The following ZC2HC1B variants were observed in gnomAD, a reference collection of about 807,000 sequenced individuals.
ZC2HC1B encodes the protein zinc finger C2HC-type containing 1B, also known as zinc finger C2HC domain-containing protein 1B.
A neutral mutation model predicts 31.0 loss-of-function variants in ZC2HC1B; 36 were observed. The ratio of observed to expected loss-of-function variants is 1.16; its 90% confidence interval spans 0.89 to 1.54. The LOEUF is 1.54. ZC2HC1B is among the 40% of genes most tolerant of loss of function. The pLI is 0.00. For missense variants in ZC2HC1B, 260 were observed against 268.6 expected (o/e 0.97, Z 0.22); for synonymous variants, 73 against 88.0 (o/e 0.83, Z 0.95).
At chr6:143,901,226 ATTTC>A (rs960045902) in intron 5 of ZC2HC1B, among the ~76,000 whole-genome samples, 24 of 129,528 alleles carry the variant, frequency 1.9e-4, no homozygotes, top group East Asian at 4.5e-4. Context: ...CAGGGTTTGA[ATTTC>A]TTTCTTTCTT....
chr6:143,874,544 A>G (rs1284382581), intron 1 of ZC2HC1B, among the ~76,000 whole-genome samples: 2 of 152,234 alleles, frequency 1.3e-5, no homozygotes. Context: ...ACAGTACCAC[A>G]TGGCTGGGGA....
In ZC2HC1B at chr6:143,915,091, A is replaced by G. The variant is rs1258154933; in HGVS notation, c.598+11939A>G. 3.9e-5 allele frequency among the ~76,000 whole-genome samples: 6 copies of G among 152,076 alleles called. No individual in the cohort carries two copies. Among genetic ancestry groups the G allele is most frequent in the African/African-American group, 1.2e-4 (5 of 41,386 alleles). The stretch of plus-strand genomic sequence containing the variant: ...CGTTTCCTGCATCACTGTTGATATG[A>G]TTTGGCTGTGTCCTCACCCAAATTT... On this transcript the variant is annotated intron_variant, in intron 6 of 7. Transcript: ENST00000237275. This position sits in a 1 kb window ranked among gnomAD's most constrained non-coding sequence, Gnocchi z 5.2.
rs565435667 is a variant in ZC2HC1B at position 143,922,637 on chromosome 6, A to G, written c.599-15012A>G. On this transcript the variant is annotated intron_variant, in intron 6 of 7. Coordinates refer to ENST00000237275, the MANE Select transcript of ZC2HC1B (RefSeq NM_001013623.3). The surrounding 1 kb of genome is among the most constrained non-coding windows in gnomAD (Gnocchi z 5.0). The stretch of plus-strand genomic sequence containing the variant: ...AATAATGACCTCTAGTTCCATACAC[A>G]TTGCTGCAAATGACAGGATATCATT... Among the ~76,000 whole-genome samples the G allele has an allele frequency of 1.3e-5, 2 of 152,316 alleles. No individual in the cohort carries two copies. Among genetic ancestry groups the G allele is most frequent in the East Asian group, 1.9e-4 (1 of 5,186 alleles).
chr6:143,881,111 T>C (rs190887622), intron 1 of ZC2HC1B, among the ~76,000 whole-genome samples: 3 of 152,228 alleles, frequency 2.0e-5, no homozygotes, highest in Admixed American at 6.5e-5. Context: ...TTTATCCTTT[T>C]ACAGTCTCTA....
At chr6:143,867,307 A>G (rs957954655) in intron 1 of ZC2HC1B, among the ~76,000 whole-genome samples, 4 of 152,220 alleles carry the variant, frequency 2.6e-5, no homozygotes, top group African/African-American at 9.6e-5. Context: ...AACAACTGAA[A>G]TAAACAAACT....
Position 143,915,481 on chromosome 6 carries a change from A to G in ZC2HC1B, c.598+12329A>G, listed in dbSNP as rs1777906559. 6.6e-6 allele frequency among the ~76,000 whole-genome samples: 1 copy of G among 152,206 alleles called. No individual in the cohort carries two copies. Among genetic ancestry groups the G allele is most frequent in the Non-Finnish European group, 1.5e-5 (1 of 68,032 alleles). ...GCTGAAAAGATATCTGAAAATGTGG[A>G]AGTGACTTTGGAACAGGGTAACAGG... On this transcript the variant is annotated intron_variant, in intron 6 of 7. Transcript: ENST00000237275. This position sits in a 1 kb window ranked among gnomAD's most constrained non-coding sequence, Gnocchi z 5.2.
rs1427013367 is a variant in ZC2HC1B, at chr6:143,885,462, T to C, written c.91-570T>C. Among the ~76,000 whole-genome samples the C allele has an allele frequency of 2.0e-5, 3 of 152,222 alleles. No individual in the cohort carries two copies. Among genetic ancestry groups the C allele is most frequent in the Non-Finnish European group, 4.4e-5 (3 of 68,040 alleles). On this transcript the variant is annotated intron_variant, in intron 2 of 7. Transcript: ENST00000237275. The surrounding 1 kb of genome is among the most constrained non-coding windows in gnomAD (Gnocchi z 4.2). ...GCCTATTTCTAGGCTATGGAGGGCA[T>C]TGATCAAATGATTTGATCTTTCTCT...
At position 143,892,472 on chromosome 6, in the gene ZC2HC1B, A is replaced by G. The variant is rs182663336; in HGVS notation, c.349+5651A>G. ...CACTGTGCCTGGCTAATTTTTTTGT[A>G]TTTTTGGTAGAGGTGGGGTTTCTCC... On this transcript the variant is annotated intron_variant, in intron 4 of 7. Transcript: ENST00000237275. Among the ~76,000 whole-genome samples the G allele has an allele frequency of 8.6e-4, 130 of 151,910 alleles. 1 individual carries two copies. The South Asian group carries it at 0.014, about 17-fold the overall frequency.
intron 5 of ZC2HC1B, among the ~76,000 whole-genome samples, chr6:143,902,034 A>G (rs1377704762): frequency 6.6e-6 from 1 of 152,196 alleles, no homozygotes; most frequent in African/African-American, 2.4e-5. Flanking sequence ...GCTGGCTGTC[A>G]GTGTAACCAG....
intron 1 of ZC2HC1B, among the ~76,000 whole-genome samples, chr6:143,866,137 G>A (rs1348626188): frequency 1.3e-5 from 2 of 152,162 alleles, no homozygotes; most frequent in African/African-American, 4.8e-5. Context: ...TTTAAGCACT[G>A]CCCGTGAATG....
At position 143,869,007 on chromosome 6, in the gene ZC2HC1B, G is replaced by T. The variant is rs1777304826; in HGVS notation, c.28+4440G>T. 6.6e-6 allele frequency among the ~76,000 whole-genome samples: 1 copy of T among 152,192 alleles called. No individual in the cohort carries two copies. The highest frequency in any genetic ancestry group is 2.4e-5 in the African/African-American group (1 of 41,436). ...ATTACAGTCCTCATTTCTGCAGCTG[G>T]TCACGTGGTCATAGCTGGTATTGAT... is the stretch of plus-strand genomic sequence containing the variant. On this transcript the variant is annotated intron_variant, in intron 1 of 7. Transcript: ENST00000237275. The surrounding 1 kb of genome is among the most constrained non-coding windows in gnomAD (Gnocchi z 5.2).
chr6:143,901,411 C>T (rs1777737352), intron 5 of ZC2HC1B, among the ~76,000 whole-genome samples: 1 of 151,428 alleles, frequency 6.6e-6, no homozygotes, highest in African/African-American at 2.4e-5. Flanking sequence ...AGGCTCCCAC[C>T]ACCATGCCTG....
intron 6 of ZC2HC1B, among the ~76,000 whole-genome samples, chr6:143,932,618 G>C (rs2128497942): frequency 6.6e-6 from 1 of 152,226 alleles, no homozygotes; most frequent in East Asian, 1.9e-4. Flanking sequence ...GTATCTCCTT[G>C]AGTAGCTTAA....
In ZC2HC1B at chr6:143,925,316, T is replaced by C. The variant is rs545783632; in HGVS notation, c.599-12333T>C. On this transcript the variant is annotated intron_variant, in intron 6 of 7. Transcript: ENST00000237275. ...TCAGCCTCCCGAGCAGCTGGGAGTA[T>C]AGGCACCCGCCACCATGCCTGGCTA... Among the ~76,000 whole-genome samples the C allele has an allele frequency of 3.5e-4, 53 of 150,940 alleles. 1 individual carries two copies. In the East Asian group the frequency reaches 9.6e-3, roughly 27 times the overall value.
At chr6:143,882,332 T>TATATATA (rs1554237224) in intron 1 of ZC2HC1B, among the ~76,000 whole-genome samples, 32 of 67,378 alleles carry the variant, frequency 4.7e-4, no homozygotes, top group Admixed American at 6.1e-4. Flanking sequence ...ATTTTATATT[T>TATATATA]TTTATATATA....
intron 6 of ZC2HC1B, among the ~76,000 whole-genome samples, chr6:143,926,250 G>A (rs9496818): frequency 0.01 from 1,533 of 152,132 alleles, 32 homozygotes; most frequent in African/African-American, 0.035. Context: ...CTTGATATAC[G>A]CATTTATTGC....
At chr6:143,890,574 C>A (rs545908792) in intron 4 of ZC2HC1B, among the ~76,000 whole-genome samples, 2 of 152,166 alleles carry the variant, frequency 1.3e-5, no homozygotes, top group South Asian at 4.1e-4. Context: ...CTATTCAACA[C>A]TGTACTATTG....
rs146868867 is a variant in ZC2HC1B at position 143,915,454 on chromosome 6, C to T, written c.598+12302C>T. On this transcript the variant is annotated intron_variant, in intron 6 of 7. Transcript: ENST00000237275. This position sits in a 1 kb window ranked among gnomAD's most constrained non-coding sequence, Gnocchi z 5.2. The stretch of plus-strand genomic sequence containing the variant: ...AAATTGGTACCAGTAGAGTGGGGCG[C>T]TGCTGAAAAGATATCTGAAAATGTG... Among the ~76,000 whole-genome samples, 78 of 152,234 alleles carry T rather than the reference C, an allele frequency of 5.1e-4. No individual in the cohort carries two copies. The highest frequency in any genetic ancestry group is 3.4e-3 in the Middle Eastern group (1 of 294).
chr6:143,894,528 C>G (rs1777640292), intron 4 of ZC2HC1B, among the ~76,000 whole-genome samples: 1 of 152,172 alleles, frequency 6.6e-6, no homozygotes. Flanking sequence ...ACAGTGTAGT[C>G]ATACTATAAA....
Sources: gnomAD v4.1 joint callset for allele counts (sites outside exome capture counted in the v4.1 genomes callset) on GRCh38, gnomAD v4.1.1 for gene constraint, Gnocchi (gnomAD v3.1) non-coding constraint, MANE v1.5 for transcripts, NCBI Gene and HGNC (gene_info 2026-07-23, HGNC 2026-07-21) for gene names.